YPEL1: variants seen among roughly 807,000 people sequenced by gnomAD.
YPEL1 encodes the protein yippee like 1.
In YPEL1, 7 loss-of-function variants were observed where a neutral mutation model predicts 17.3. The observed-to-expected ratio is 0.40, with a 90% CI of 0.23 to 0.76. The LOEUF (loss-of-function observed/expected upper bound fraction) is 0.76, where lower values mean the gene tolerates loss of function less well. Ranked by LOEUF, YPEL1 falls within the 30% of genes least tolerant of loss-of-function variation. YPEL1 has a pLI of 0.35. For missense variants in YPEL1, 91 were observed against 155.5 expected, an observed-to-expected ratio of 0.59 and a Z score of 2.21; for synonymous variants, 59 against 59.6, an observed-to-expected ratio of 0.99 and a Z score of 0.05.
chr22:21,721,701 G>C (rs2068285746), intron 1 of YPEL1, among the ~76,000 whole-genome samples: 1 of 152,216 alleles, frequency 6.6e-6, no homozygotes, highest in African/African-American at 2.4e-5. Context: ...TGGGATTACA[G>C]GCCTGAGCCA....
chr22:21,705,959 G>A (rs1035721363), intron 2 of YPEL1, among the ~76,000 whole-genome samples: 2 of 151,906 alleles, frequency 1.3e-5, no homozygotes, highest in African/African-American at 2.4e-5. Flanking sequence ...GAGAAATCCC[G>A]TCTCTGATAA....
Position 21,731,405 on chromosome 22 carries a change from GGT to G in YPEL1, c.-165+4208_-165+4209del, listed in dbSNP as rs1233270331. ...CTAGCCTTGTTAGGTTGAAAGAGTG[GGT>G]ACCACACCCAGAAGACTGGATTGAG... On this transcript the variant is annotated intron_variant, in intron 1 of 4. Coordinates refer to ENST00000339468, the MANE Select transcript of YPEL1 (RefSeq NM_013313.5). Among the ~76,000 whole-genome samples the G allele has an allele frequency of 7.9e-5, 12 of 151,856 alleles. No individual in the cohort carries two copies. The East Asian group carries it at 2.3e-3, about 29-fold the overall frequency.
At chr22:21,717,951 CCT>C (rs1207592398) in intron 1 of YPEL1, among the ~76,000 whole-genome samples, 2 of 145,782 alleles carry the variant, frequency 1.4e-5, no homozygotes, top group Admixed American at 7.1e-5. Context: ...ACAGTGAGAC[CCT>C]GTCTCTACGC....
chr22:21,731,857 T>A (rs1387986876), intron 1 of YPEL1, among the ~76,000 whole-genome samples: 2 of 152,056 alleles, frequency 1.3e-5, no homozygotes, highest in Non-Finnish European at 2.9e-5. Flanking sequence ...CAGAGTCACA[T>A]GAGATGTTAA....
chr22:21,713,833 A>C (rs1159356573), intron 1 of YPEL1, among the ~76,000 whole-genome samples: 1 of 152,216 alleles, frequency 6.6e-6, no homozygotes, highest in African/African-American at 2.4e-5. Context: ...TGCTGCCATC[A>C]TCAGCAACAG....
At chr22:21,725,614 C>G (rs1294713717) in intron 1 of YPEL1, among the ~76,000 whole-genome samples, 1 of 152,108 alleles carries the variant, frequency 6.6e-6, no homozygotes, top group African/African-American at 2.4e-5. Flanking sequence ...GTCCTGGCCC[C>G]TGAAAGGCAC....
chr22:21,709,753 G>A (rs1161771708), intron 2 of YPEL1, among the ~76,000 whole-genome samples: 5 of 152,062 alleles, frequency 3.3e-5, no homozygotes, highest in African/African-American at 9.7e-5. Context: ...GAGGATGGGG[G>A]GAGGTCATGG....
At chr22:21,715,875 T>C (rs2068219028) in intron 1 of YPEL1, among the ~76,000 whole-genome samples, 1 of 151,760 alleles carries the variant, frequency 6.6e-6, no homozygotes, top group African/African-American at 2.4e-5. Flanking sequence ...GTGATTCTCC[T>C]GTCTCAGCCT....
chr22:21,703,440 A>G lies in YPEL1; in HGVS notation c.200T>C (p.Leu67Pro). 6.2e-7 allele frequency: 1 copy of G among 1,612,670 alleles called. No homozygotes were observed. The highest frequency in any genetic ancestry group is 8.5e-7 in the Non-Finnish European group (1 of 1,179,976). The change falls in exon 4 of 5, where the codon CTT becomes CCT. Residue 67 changes from leucine (L) to proline (P), a missense_variant. Transcript: ENST00000339468. This position sits in a 1 kb window ranked among gnomAD's most constrained non-coding sequence, Gnocchi z 6.1. ...VGCGPAEERVLLTGLHAVADI... is the reference protein window; with the variant it reads ...VGCGPAEERVPLTGLHAVADI... The stretch of plus-strand genomic sequence containing the variant: ...GGCAACCGCATGCAGCCCGGTGAGA[A>G]GGACCCTCTCCTCTGCAGGGCCGCA...
Position 21,703,317 on chromosome 22 carries a change from G to A in YPEL1, c.270+53C>T, listed in dbSNP as rs1248034227. On this transcript the variant is annotated intron_variant, in intron 4 of 4. Coordinates refer to ENST00000339468, the MANE Select transcript of YPEL1 (RefSeq NM_013313.5). The surrounding 1 kb of genome is among the most constrained non-coding windows in gnomAD (Gnocchi z 6.1). ...CTGCACGGGGAGGTGTGGCTCAGTG[G>A]CAACTTAGTGCCACATCCCCTTGTG... is the stretch of plus-strand genomic sequence containing the variant. The A allele has an allele frequency of 2.2e-5, 34 of 1,527,046 alleles. No homozygotes were observed. Among genetic ancestry groups the A allele is most frequent in the Non-Finnish European group, 3.0e-5 (33 of 1,105,232 alleles). 94.6% of individuals were successfully genotyped at this position (1,527,046 alleles called of 1,614,324 possible).
rs1199879172 is a variant in YPEL1, at chr22:21,703,010, A to G, written c.270+360T>C. 1.3e-5 allele frequency among the ~76,000 whole-genome samples: 2 copies of G among 152,206 alleles called. No homozygotes were observed. Among genetic ancestry groups the G allele is most frequent in the Non-Finnish European group, 2.9e-5 (2 of 68,040 alleles). On this transcript the variant is annotated intron_variant, in intron 4 of 4. Transcript: ENST00000339468. This position sits in a 1 kb window ranked among gnomAD's most constrained non-coding sequence, Gnocchi z 6.1. Reference sequence around the variant, plus strand: ...CTGAGGTCTTCTAGACTTGTCCCTGACAGTGGGCACAGCCTCCCGCAGCCC... The same window carrying G: ...CTGAGGTCTTCTAGACTTGTCCCTGGCAGTGGGCACAGCCTCCCGCAGCCC...
intron 1 of YPEL1, among the ~76,000 whole-genome samples, chr22:21,727,499 T>C (rs555808624): frequency 3.9e-4 from 60 of 152,146 alleles, no homozygotes; most frequent in Middle Eastern, 3.4e-3. Flanking sequence ...CTGCCATCCA[T>C]CCCCCCAAAT....
At chr22:21,702,732 G>A (rs952718453) in intron 4 of YPEL1, among the ~76,000 whole-genome samples, 7 of 152,172 alleles carry the variant, frequency 4.6e-5, no homozygotes, top group East Asian at 1.9e-4. Context: ...GGGAGGACTC[G>A]GCCACGAAGG....
chr22:21,705,802 C>T (rs1344144953), intron 2 of YPEL1, among the ~76,000 whole-genome samples: 1 of 151,954 alleles, frequency 6.6e-6, no homozygotes, highest in East Asian at 1.9e-4. Context: ...CACTGCACTC[C>T]AGCCTGGGGG....
At chr22:21,725,782 C>G (rs2068329636) in intron 1 of YPEL1, among the ~76,000 whole-genome samples, 1 of 151,208 alleles carries the variant, frequency 6.6e-6, no homozygotes, top group African/African-American at 2.4e-5. Context: ...CACTTGAGCC[C>G]AGGAGTTCGA....
intron 1 of YPEL1, among the ~76,000 whole-genome samples, chr22:21,715,339 C>A (rs1193181785): frequency 6.6e-6 from 1 of 151,782 alleles, no homozygotes; most frequent in African/African-American, 2.4e-5. Flanking sequence ...ATTAAAAATA[C>A]AAATATTAGC....
intron 1 of YPEL1, among the ~76,000 whole-genome samples, chr22:21,723,708 C>T (rs1040735182): frequency 5.0e-5 from 7 of 140,134 alleles, no homozygotes; most frequent in African/African-American, 8.1e-5. Flanking sequence ...TTTTTTGAGA[C>T]GGAGTCTCAT....
intron 1 of YPEL1, among the ~76,000 whole-genome samples, chr22:21,731,994 G>A (rs1188983400): frequency 1.3e-5 from 2 of 152,162 alleles, no homozygotes; most frequent in Non-Finnish European, 2.9e-5. Flanking sequence ...TCCCGGCCCC[G>A]GCCCAAGGCC....
At chr22:21,717,891 C>T (rs1456846816) in intron 1 of YPEL1, among the ~76,000 whole-genome samples, 1 of 152,132 alleles carries the variant, frequency 6.6e-6, no homozygotes, top group East Asian at 1.9e-4. Context: ...CTTTGGGAGG[C>T]CAAGGCAGGA....
Sources: gnomAD v4.1 joint callset for allele counts (sites outside exome capture counted in the v4.1 genomes callset) on GRCh38, gnomAD v4.1.1 for gene constraint, Gnocchi (gnomAD v3.1) non-coding constraint, MANE v1.5 for transcripts, NCBI Gene and HGNC (gene_info 2026-07-23, HGNC 2026-07-21) for gene names.